The following SOX5 variants were observed in gnomAD, a reference collection of about 807,000 sequenced individuals.
SOX5 encodes SRY-box transcription factor 5.
SOX5 carries 9 observed loss-of-function variants against 92.0 expected under a neutral mutation model. The ratio of observed to expected loss-of-function variants is 0.10; its 90% CI spans 0.06 to 0.17. The LOEUF (loss-of-function observed/expected upper bound fraction) is 0.17, where lower values mean the gene tolerates loss of function less well. Ranked by LOEUF, SOX5 falls within the 10% of genes least tolerant of loss-of-function variation. The pLI is 1.00. For synonymous variants in SOX5, 344 were observed against 336.3 expected, an observed-to-expected ratio of 1.02 and a Z score of -0.25; for missense variants, 642 against 944.5, an observed-to-expected ratio of 0.68 and a Z score of 4.20.
chr12:24,020,659 A>G (rs1954178329), intron 4 of SOX5, among the ~76,000 whole-genome samples: 1 of 152,190 alleles, frequency 6.6e-6, no homozygotes, highest in African/African-American at 2.4e-5. Context: ...CAAACAAAGA[A>G]CAAAAGGAAA....
chr12:24,506,980 C>CG (rs1337574422), intron 1 of SOX5, among the ~76,000 whole-genome samples: 4 of 151,524 alleles, frequency 2.6e-5, no homozygotes, highest in African/African-American at 9.7e-5. Context: ...TTAGTAGAGA[C>CG]GGGGTTTCAC....
At position 23,936,631 on chromosome 12, in the gene SOX5, C is replaced by T. The variant is rs116490108; in HGVS notation, c.38+12933G>A. Among the ~76,000 whole-genome samples, 177 of 150,876 alleles carry T rather than the reference C, an allele frequency of 1.2e-3. 1 individual carries two copies. Among genetic ancestry groups the T allele is most frequent in the African/African-American group, 4.1e-3 (168 of 41,396 alleles). Reference sequence around the variant, plus strand: ...TAAAGATAGAAGTTTTGATTTCCCTCCATCCACAGGAAGCTATAAAGCAGC... The same window carrying T: ...TAAAGATAGAAGTTTTGATTTCCCTTCATCCACAGGAAGCTATAAAGCAGC... On this transcript the variant is annotated intron_variant, in intron 1 of 14. Coordinates refer to ENST00000451604, the MANE Select transcript of SOX5 (RefSeq NM_006940.6).
At chr12:24,077,530 G>A (rs1942776208) in intron 4 of SOX5, among the ~76,000 whole-genome samples, 1 of 151,508 alleles carries the variant, frequency 6.6e-6, no homozygotes, top group Admixed American at 6.6e-5. Flanking sequence ...TGCTTAAAAC[G>A]ATCAAACCCT....
chr12:24,063,161 A>T (rs1220549866), intron 4 of SOX5, among the ~76,000 whole-genome samples: 1 of 152,182 alleles, frequency 6.6e-6, no homozygotes, highest in Non-Finnish European at 1.5e-5. Context: ...CAATATTTCC[A>T]CTGGTAACTG....
intron 3 of SOX5, among the ~76,000 whole-genome samples, chr12:24,216,340 C>A (rs1022310627): frequency 6.6e-6 from 1 of 152,046 alleles, no homozygotes; most frequent in Non-Finnish European, 1.5e-5. Flanking sequence ...AACATTTAGC[C>A]GGGCGTGGTG....
chr12:23,972,447 T>G (rs1194384602), intron 4 of SOX5, among the ~76,000 whole-genome samples: 1 of 152,158 alleles, frequency 6.6e-6, no homozygotes, highest in Non-Finnish European at 1.5e-5. Context: ...AACCTCCACC[T>G]CCTGGGTTCA....
At chr12:23,942,693 C>T (rs927623117) in intron 1 of SOX5, among the ~76,000 whole-genome samples, 18 of 145,180 alleles carry the variant, frequency 1.2e-4, no homozygotes, top group African/African-American at 4.3e-4. Flanking sequence ...CAGTGAATTT[C>T]ATTTCTTCTC....
At chr12:24,401,225 G>A (rs1319426389) in intron 1 of SOX5, among the ~76,000 whole-genome samples, 1 of 151,978 alleles carries the variant, frequency 6.6e-6, no homozygotes, top group African/African-American at 2.4e-5. Flanking sequence ...GGTGGCGTGT[G>A]CCTGTAGTCC....
intron 1 of SOX5, among the ~76,000 whole-genome samples, chr12:24,479,655 G>T (rs1392703071): frequency 6.7e-6 from 1 of 149,162 alleles, no homozygotes; most frequent in Non-Finnish European, 1.5e-5. Context: ...GAATATTCAG[G>T]TATTTATTCA....
At chr12:23,825,865 G>GA (rs541161595) in intron 3 of SOX5, among the ~76,000 whole-genome samples, 2 of 151,694 alleles carry the variant, frequency 1.3e-5, no homozygotes, top group Non-Finnish European at 2.9e-5. Context: ...AAAAAGCAAA[G>GA]AAAAAAAATC....
intron 1 of SOX5, among the ~76,000 whole-genome samples, chr12:24,378,650 C>G (rs1373821665): frequency 1.3e-5 from 2 of 152,210 alleles, no homozygotes; most frequent in Non-Finnish European, 2.9e-5. Flanking sequence ...TCCATTCTTG[C>G]TGCAACTTAG....
At chr12:23,803,531 A>G (rs1269056740) in intron 3 of SOX5, among the ~76,000 whole-genome samples, 1 of 152,156 alleles carries the variant, frequency 6.6e-6, no homozygotes, top group Non-Finnish European at 1.5e-5. Flanking sequence ...ATAGCCTACT[A>G]ATGAATTGCC....
chr12:24,250,943 T>A (rs1939916107), intron 3 of SOX5, among the ~76,000 whole-genome samples: 1 of 152,144 alleles, frequency 6.6e-6, no homozygotes, highest in Admixed American at 6.5e-5. Flanking sequence ...ATGTGAAAAA[T>A]CAGATTCCAG....
intron 4 of SOX5, among the ~76,000 whole-genome samples, chr12:24,078,397 G>T (rs189833436): frequency 6.6e-6 from 1 of 152,166 alleles, no homozygotes; most frequent in East Asian, 1.9e-4. Context: ...TATTGAACCT[G>T]TGATTACCTG....
intron 4 of SOX5, among the ~76,000 whole-genome samples, chr12:24,069,372 A>G (rs1355197414): frequency 6.6e-6 from 1 of 152,244 alleles, no homozygotes; most frequent in Non-Finnish European, 1.5e-5. Flanking sequence ...AGTATTGTAA[A>G]AGAAATAGCT....
chr12:23,634,369 G>A (rs1236149339), intron 8 of SOX5, among the ~76,000 whole-genome samples: 1 of 152,116 alleles, frequency 6.6e-6, no homozygotes. Flanking sequence ...TATCTCTTAG[G>A]ATCCACCTTA....
intron 1 of SOX5, among the ~76,000 whole-genome samples, chr12:24,558,178 A>G (rs1953992302): frequency 6.6e-6 from 1 of 152,218 alleles, no homozygotes; most frequent in Non-Finnish European, 1.5e-5. Context: ...ATGAACTATT[A>G]GCAACTTTAA....
intron 3 of SOX5, among the ~76,000 whole-genome samples, chr12:24,245,233 A>C (rs1938408577): frequency 9.5e-6 from 1 of 105,026 alleles, no homozygotes; most frequent in South Asian, 3.6e-4. Flanking sequence ...GTTTGGAGAG[A>C]TTTGTGTGTG....
At chr12:23,930,379 G>C (rs1347267994) in intron 1 of SOX5, among the ~76,000 whole-genome samples, 3 of 151,712 alleles carry the variant, frequency 2.0e-5, no homozygotes, top group Non-Finnish European at 2.9e-5. Context: ...TCAGACTTGT[G>C]TTTTGAAGAT....
Sources: allele counts gnomAD v4.1 joint callset (sites outside exome capture counted in the v4.1 genomes callset), GRCh38; gene constraint gnomAD v4.1.1; transcripts MANE v1.5; gene names NCBI Gene and HGNC (gene_info 2026-07-23, HGNC 2026-07-21).